DIAPH2: variants seen among roughly 807,000 people sequenced by gnomAD.
DIAPH2 encodes protein diaphanous homolog 2.
In DIAPH2, 35 loss-of-function variants were observed where a neutral mutation model predicts 92.7. That is an observed-to-expected ratio of 0.38 (90% CI 0.29 to 0.50). The LOEUF (loss-of-function observed/expected upper bound fraction) is 0.50, where lower values mean the gene tolerates loss of function less well. DIAPH2 is among the 20% of genes least tolerant of loss of function. The pLI is 0.94. For synonymous variants in DIAPH2, 301 were observed against 280.4 expected (o/e 1.07, Z -0.73); for missense variants, 701 against 819.5 (o/e 0.86, Z 1.77).
At chrX:97,561,726 A>C (rs2071295319) in intron 26 of DIAPH2, among the ~76,000 whole-genome samples, 1 of 112,523 alleles carries the variant, frequency 8.9e-6, no homozygotes, top group Non-Finnish European at 1.9e-5. Flanking sequence ...ACATTTGCTA[A>C]GACTTCCCAT....
intron 24 of DIAPH2, among the ~76,000 whole-genome samples, chrX:97,360,457 C>CA (rs377748223): frequency 3.5e-4 from 31 of 88,633 alleles, no homozygotes; most frequent in African/African-American, 1.2e-3. Context: ...ATTAAAAATA[C>CA]AAAAAAAAAA....
intron 25 of DIAPH2, among the ~76,000 whole-genome samples, chrX:97,419,989 A>T (rs2069991092): frequency 9.0e-6 from 1 of 111,593 alleles, no homozygotes; most frequent in African/African-American, 3.3e-5. Flanking sequence ...AATTATTTAA[A>T]ATATCGAATG....
In DIAPH2 at chrX:97,448,183, T is replaced by G. The variant is rs746739980; in HGVS notation, c.3241+18438T>G. Among the ~76,000 whole-genome samples the G allele has an allele frequency of 8.9e-5, 10 of 111,963 alleles. No individual in the cohort carries two copies. The East Asian group carries it at 2.8e-3, about 31-fold the overall frequency. ...ACAAGTGGAGAGAACAAAACAGACA[T>G]AGTAGAATATTCTACTTAACTAGCT... is the stretch of plus-strand genomic sequence containing the variant. On this transcript the variant is annotated intron_variant, in intron 26 of 26. Transcript: ENST00000324765.
At chrX:97,001,468 C>A (rs992644918) in intron 17 of DIAPH2, among the ~76,000 whole-genome samples, 2 of 110,838 alleles carry the variant, frequency 1.8e-5, no homozygotes, top group African/African-American at 3.3e-5. Context: ...CATAGTGAAA[C>A]CCTGTCTCTA....
chrX:96,697,668 A>G (rs898440140), intron 1 of DIAPH2, among the ~76,000 whole-genome samples: 1 of 111,202 alleles, frequency 9.0e-6, no homozygotes, highest in Non-Finnish European at 1.9e-5. Flanking sequence ...ATTTTTAAAA[A>G]TAAAATAGAA....
intron 23 of DIAPH2, among the ~76,000 whole-genome samples, chrX:97,323,215 A>G (rs866809612): frequency 1.3e-4 from 14 of 105,762 alleles, no homozygotes; most frequent in African/African-American, 4.4e-4. Flanking sequence ...CCCTGAGCTT[A>G]CTTTTTAAGA....
rs188083320 is a variant in DIAPH2 at position 97,003,547 on chromosome X, G to A, written c.2050+38340G>A. The stretch of plus-strand genomic sequence containing the variant: ...TTATAGTTTTGATTGGCATTTCTCC[G>A]ATGATCAATGATATTGAGCACCTTT... On this transcript the variant is annotated intron_variant, in intron 17 of 26. Coordinates refer to ENST00000324765, the MANE Select transcript of DIAPH2 (RefSeq NM_006729.5). Among the ~76,000 whole-genome samples, 21 of 112,048 alleles carry A rather than the reference G, an allele frequency of 1.9e-4. No individual in the cohort carries two copies. In the East Asian group the frequency reaches 5.1e-3, roughly 27 times the overall value.
intron 4 of DIAPH2, among the ~76,000 whole-genome samples, chrX:96,796,522 CT>C (rs1306854127): frequency 1.8e-5 from 2 of 111,653 alleles, no homozygotes; most frequent in Non-Finnish European, 3.8e-5. Context: ...TCCTTTAACT[CT>C]TTTTTTGCCA....
At chrX:96,869,763 A>G (rs2065128178) in intron 4 of DIAPH2, among the ~76,000 whole-genome samples, 1 of 110,740 alleles carries the variant, frequency 9.0e-6, no homozygotes, top group Non-Finnish European at 1.9e-5. Flanking sequence ...AAAATAATGT[A>G]TAATGGCACC....
At chrX:97,297,719 G>T (rs754303534) in intron 23 of DIAPH2, among the ~76,000 whole-genome samples, 11 of 107,529 alleles carry the variant, frequency 1.0e-4, no homozygotes, top group Non-Finnish European at 1.9e-4. Flanking sequence ...CCACTGGTGT[G>T]ACTTTTCCCC....
intron 21 of DIAPH2, among the ~76,000 whole-genome samples, chrX:97,140,947 C>T (rs1436193969): frequency 1.8e-5 from 2 of 111,270 alleles, no homozygotes; most frequent in African/African-American, 6.5e-5. Flanking sequence ...CTAAGTAAAT[C>T]CTTGATTTTA....
At chrX:96,813,451 C>CGTG (rs1424906877) in intron 4 of DIAPH2, among the ~76,000 whole-genome samples, 1 of 110,578 alleles carries the variant, frequency 9.0e-6, no homozygotes, top group Admixed American at 9.6e-5. Context: ...GAATACAGCA[C>CGTG]ACTGATGGGT....
At chrX:97,572,247 A>T (rs1342293097) in intron 26 of DIAPH2, among the ~76,000 whole-genome samples, 1 of 111,504 alleles carries the variant, frequency 9.0e-6, no homozygotes, top group Non-Finnish European at 1.9e-5. Flanking sequence ...TTTTAAAGAC[A>T]AATGCATTCA....
chrX:97,526,126 G>A (rs1032997645), intron 26 of DIAPH2, among the ~76,000 whole-genome samples: 1 of 111,385 alleles, frequency 9.0e-6, no homozygotes, highest in African/African-American at 3.3e-5. Context: ...CCCTGGAATG[G>A]CAGGTTTAGT....
intron 26 of DIAPH2, among the ~76,000 whole-genome samples, chrX:97,453,538 A>G (rs2070376299): frequency 9.0e-6 from 1 of 111,425 alleles, no homozygotes; most frequent in South Asian, 3.8e-4. Context: ...ATATTTTAAT[A>G]TTTATTATAG....
chrX:97,395,083 G>A (rs2069692747), intron 25 of DIAPH2, among the ~76,000 whole-genome samples: 1 of 111,639 alleles, frequency 9.0e-6, no homozygotes, highest in Non-Finnish European at 1.9e-5. Flanking sequence ...CTGGCACATG[G>A]TTAGCATGTA....
chrX:97,085,744 C>T (rs936502204), intron 19 of DIAPH2, among the ~76,000 whole-genome samples: 1 of 111,885 alleles, frequency 8.9e-6, no homozygotes, highest in Non-Finnish European at 1.9e-5. Context: ...AATAATTAAT[C>T]AGGAATGGTG....
chrX:96,940,530 AC>A (rs1365738462), intron 12 of DIAPH2, among the ~76,000 whole-genome samples: 1 of 111,648 alleles, frequency 9.0e-6, no homozygotes, highest in Non-Finnish European at 1.9e-5. Flanking sequence ...ATTTCTCAAA[AC>A]CTGCTTGATT....
chrX:97,344,222 A>G (rs1168733519), intron 23 of DIAPH2, among the ~76,000 whole-genome samples: 3 of 111,366 alleles, frequency 2.7e-5, no homozygotes, highest in African/African-American at 9.8e-5. Flanking sequence ...AGTATCTTGT[A>G]TTTAGTGGCT....
Sources: allele counts gnomAD v4.1 joint callset (sites outside exome capture counted in the v4.1 genomes callset), GRCh38; gene constraint gnomAD v4.1.1; transcripts MANE v1.5; gene names NCBI Gene and HGNC (gene_info 2026-07-23, HGNC 2026-07-21).